The following YTHDF1 variants were observed in gnomAD, a reference collection of about 807,000 sequenced individuals.
YTHDF1 encodes the protein YTH N6-methyladenosine RNA binding protein F1.
In YTHDF1, 16 loss-of-function variants were observed where a neutral mutation model predicts 49.1. The observed-to-expected ratio is 0.33, with a 90% confidence interval of 0.22 to 0.49. The LOEUF (loss-of-function observed/expected upper bound fraction) is 0.49, where lower values mean the gene tolerates loss of function less well. Ranked by LOEUF, YTHDF1 falls within the 20% of genes least tolerant of loss-of-function variation. The pLI is 0.99. For missense variants in YTHDF1, 621 were observed against 744.3 expected (o/e 0.83, Z 1.93); for synonymous variants, 313 against 290.1 (o/e 1.08, Z -0.80).
rs1364269869 is a variant in YTHDF1 at position 63,206,776 on chromosome 20, CTG to C, written c.133-2971_133-2970del. Among the ~76,000 whole-genome samples the C allele has an allele frequency of 1.3e-3, 203 of 152,338 alleles. 8 individuals are homozygous for C. In the South Asian group the frequency reaches 0.042, roughly 31 times the overall value. On this transcript the variant is annotated intron_variant, in intron 3 of 4. Transcript: ENST00000370339. The stretch of plus-strand genomic sequence containing the variant: ...CATCTGCCATCTTTCCTCCAAAACT[CTG>C]AAGGTAAAGAAGCAGGTTAATTTGT...
In YTHDF1 at chr20:63,203,112, G is replaced by C. The variant is rs772804413; in HGVS notation, c.828C>G (p.Asn276Lys). 14 of 1,611,908 alleles carry C rather than the reference G, an allele frequency of 8.7e-6. No homozygotes were observed. In the Admixed American group the frequency reaches 2.3e-4, roughly 27 times the overall value. Residue 276 changes from asparagine (N) to lysine (K), a missense_variant, in exon 4 of 5, where the codon AAC becomes AAG. Transcript: ENST00000370339. This position sits in a 1 kb window ranked among gnomAD's most constrained non-coding sequence, Gnocchi z 4.4. ...CTGGGGCCTTCGGCACAGGCCCCTTGTTATCCCAGGTGCCAATGTCCATGT... is the reference window on the plus strand; with the variant it reads ...CTGGGGCCTTCGGCACAGGCCCCTTCTTATCCCAGGTGCCAATGTCCATGT... ...KHNMDIGTWD[N>K]KGPVPKAPVP...
rs1270410024 is a variant in YTHDF1 at position 63,196,690 on chromosome 20, T to A, written c.*18A>T. On this transcript the variant is annotated 3_prime_UTR_variant, in exon 5 of 5. Transcript: ENST00000370339. ...TTTCAAAGTCAAACGTTAGAACATG[T>A]AAGAAACTGGTTCGCCCTCATTGTT... 1.2e-6 allele frequency: 2 copies of A among 1,613,874 alleles called. No individual in the cohort carries two copies. Among genetic ancestry groups the A allele is most frequent in the Non-Finnish European group, 1.7e-6 (2 of 1,179,894 alleles).
chr20:63,202,912 C>T lies in YTHDF1; in HGVS notation c.1028G>A (p.Gly343Glu). The T allele has an allele frequency of 1.2e-6, 2 of 1,614,052 alleles. No homozygotes were observed. Among genetic ancestry groups the T allele is most frequent in the Non-Finnish European group, 1.7e-6 (2 of 1,180,046 alleles). ...NRNAAFGQSG[G>E]AGSDSNSPGN... ...AGGAGAGTTGCTATCGCTGCCAGCC[C>T]CTCCGCTCTGCCCAAACGCCGCGTT... is the stretch of plus-strand genomic sequence containing the variant. The change falls in exon 4 of 5, where the codon GGG becomes GAG. Residue 343 changes from glycine to glutamate, a missense_variant. Physicochemically the swap from Gly to Glu is moderately conservative, Grantham distance 98 (BLOSUM62 -2). This residue lies in a region of YTHDF1 where 470 missense variants were observed against 495.8 expected (regional missense o/e 0.95). Coordinates refer to ENST00000370339, the MANE Select transcript of YTHDF1 (RefSeq NM_017798.4).
chr20:63,197,011 T>C (rs761464896), intron 4 of YTHDF1, among the ~76,000 whole-genome samples: 39 of 152,150 alleles, frequency 2.6e-4, no homozygotes, highest in Non-Finnish European at 4.3e-4. Context: ...CTGGGAAGCC[T>C]CACTTCCCAC....
At chr20:63,198,110 C>T (rs1288770677) in intron 4 of YTHDF1, among the ~76,000 whole-genome samples, 1 of 151,478 alleles carries the variant, frequency 6.6e-6, no homozygotes, top group Non-Finnish European at 1.5e-5. Context: ...CTGTATTTTA[C>T]ATTCTCTTAA....
At chr20:63,213,669 A>G (rs141597171) in intron 3 of YTHDF1, among the ~76,000 whole-genome samples, 195 bp downstream of exon 3, 106 of 152,312 alleles carry the variant, frequency 7.0e-4, no homozygotes, top group African/African-American at 2.4e-3. Flanking sequence ...CCTCCTCCAC[A>G]GGGAAAATCA....
intron 3 of YTHDF1, among the ~76,000 whole-genome samples, chr20:63,205,481 C>A (rs2066541329): frequency 6.6e-6 from 1 of 151,956 alleles, no homozygotes; most frequent in African/African-American, 2.4e-5. Flanking sequence ...CTGTTGACTT[C>A]TCCACTTGTG....
At position 63,196,676 on chromosome 20, in the gene YTHDF1, A is replaced by T; in HGVS notation, c.*32T>A. 1.2e-6 allele frequency: 2 copies of T among 1,613,374 alleles called. No individual in the cohort carries two copies. Among genetic ancestry groups the T allele is most frequent in the Non-Finnish European group, 1.7e-6 (2 of 1,179,630 alleles). Reference sequence around the variant, plus strand: ...GTGTTTTAAACTGTTTTCAAAGTCAAACGTTAGAACATGTAAGAAACTGGT... The same window carrying T: ...GTGTTTTAAACTGTTTTCAAAGTCATACGTTAGAACATGTAAGAAACTGGT... On this transcript the variant is annotated 3_prime_UTR_variant, in exon 5 of 5. Transcript: ENST00000370339.
Position 63,203,943 on chromosome 20 carries a change from G to T in YTHDF1, c.133-136C>A. 2.6e-6 allele frequency: 2 copies of T among 780,436 alleles called. No individual in the cohort carries two copies. Among genetic ancestry groups the T allele is most frequent in the Non-Finnish European group, 3.9e-6 (2 of 506,916 alleles). The allele number at this position is 780,436 out of a possible 1,614,324, so 48.3% of individuals were successfully genotyped here. ...TGGGGCTACTCCTTCCAGAAAGAAA[G>T]CTGTAGTCGCCAATGTGAGAACCAA... On this transcript the variant is annotated intron_variant, in intron 3 of 4. Coordinates refer to ENST00000370339, the MANE Select transcript of YTHDF1 (RefSeq NM_017798.4). The surrounding 1 kb of genome is among the most constrained non-coding windows in gnomAD (Gnocchi z 4.4).
chr20:63,207,245 G>A (rs1601237099), intron 3 of YTHDF1, among the ~76,000 whole-genome samples: 1 of 151,680 alleles, frequency 6.6e-6, no homozygotes, highest in Non-Finnish European at 1.5e-5. Flanking sequence ...GAGGTGGACG[G>A]ATCACAAGGT....
intron 4 of YTHDF1, among the ~76,000 whole-genome samples, chr20:63,200,025 G>A (rs1286739138): frequency 1.3e-5 from 2 of 152,146 alleles, no homozygotes; most frequent in Non-Finnish European, 2.9e-5. Context: ...CTGCACTCCA[G>A]CCCGGCAGAC....
At chr20:63,201,678 A>C (rs368887075) in intron 4 of YTHDF1, among the ~76,000 whole-genome samples, 2 of 152,144 alleles carry the variant, frequency 1.3e-5, no homozygotes, top group Non-Finnish European at 1.5e-5. Context: ...AACCTACCCC[A>C]CCACCACCAT....
At chr20:63,214,508 C>T (rs545050372) in intron 2 of YTHDF1, among the ~76,000 whole-genome samples, 29 of 152,266 alleles carry the variant, frequency 1.9e-4, no homozygotes, top group African/African-American at 6.7e-4. Context: ...ACAACATGTG[C>T]CCAAGGTAGT....
chr20:63,201,776 G>T (rs1171703341), intron 4 of YTHDF1, among the ~76,000 whole-genome samples: 1 of 152,220 alleles, frequency 6.6e-6, no homozygotes, highest in Non-Finnish European at 1.5e-5. Flanking sequence ...ACGACCTCCA[G>T]ATCAAAGACC....
At position 63,203,427 on chromosome 20, in the gene YTHDF1, G is replaced by T; in HGVS notation, c.513C>A (p.Ser171Arg). Residue 171 changes from serine to arginine, a missense_variant, in exon 4 of 5, where the codon AGC becomes AGA. Transcript: ENST00000370339. This position sits in a 1 kb window ranked among gnomAD's most constrained non-coding sequence, Gnocchi z 4.4. ...TVVDGQPGFHSDTLSKAPGMN... is the reference protein window; with the variant it reads ...TVVDGQPGFHRDTLSKAPGMN... ...TCCCGGGGGCCTTGCTGAGGGTGTC[G>T]CTGTGAAAGCCTGGCTGCCCATCAA... 2 of 1,612,638 alleles carry T rather than the reference G, an allele frequency of 1.2e-6. No individual in the cohort carries two copies. Among genetic ancestry groups the T allele is most frequent in the Middle Eastern group, 3.3e-4 (2 of 6,060 alleles).
intron 4 of YTHDF1, among the ~76,000 whole-genome samples, chr20:63,201,934 GA>G (rs2066519258): frequency 2.0e-5 from 3 of 152,226 alleles, no homozygotes; most frequent in Non-Finnish European, 4.4e-5. Context: ...CACTGTTCCA[GA>G]AAGTATCACA....
chr20:63,199,891 T>G (rs1014342787), intron 4 of YTHDF1, among the ~76,000 whole-genome samples: 2 of 151,754 alleles, frequency 1.3e-5, no homozygotes, highest in African/African-American at 4.8e-5. Context: ...AGACACTGAT[T>G]CTACAAAAAA....
rs2122997925 is a variant in YTHDF1 at position 63,215,920 on chromosome 20, G to C, written c.-28C>G. On this transcript the variant is annotated 5_prime_UTR_variant, in exon 1 of 5. Coordinates refer to ENST00000370339, the MANE Select transcript of YTHDF1 (RefSeq NM_017798.4). ...TTCATGAACAACTAGACGCGGGGCCGGGGCGCCCGCCGGCTCGGGCCTCCC... is the reference window on the plus strand; with the variant it reads ...TTCATGAACAACTAGACGCGGGGCCCGGGCGCCCGCCGGCTCGGGCCTCCC... 2 of 1,373,204 alleles carry C rather than the reference G, an allele frequency of 1.5e-6. No homozygotes were observed. The highest frequency in any genetic ancestry group is 1.5e-5 in the African/African-American group (1 of 66,196). The allele number at this position is 1,373,204 out of a possible 1,614,324, so 85.1% of individuals were successfully genotyped here.
rs187186869 is a variant in YTHDF1 at position 63,203,911 on chromosome 20, C to A, written c.133-104G>T. On this transcript the variant is annotated intron_variant, in intron 3 of 4. Transcript: ENST00000370339. The surrounding 1 kb of genome is among the most constrained non-coding windows in gnomAD (Gnocchi z 4.4). ...ACAGGTGGAGCAAAAACAAAACCTG[C>A]ACAGCATGGGGCTACTCCTTCCAGA... 140 of 1,073,266 alleles carry A rather than the reference C, an allele frequency of 1.3e-4. 1 individual carries two copies. The African/African-American group carries it at 1.9e-3, about 15-fold the overall frequency. The allele number at this position is 1,073,266 out of a possible 1,614,324, so 66.5% of individuals were successfully genotyped here.
Sources: allele counts gnomAD v4.1 joint callset (sites outside exome capture counted in the v4.1 genomes callset), GRCh38; gene constraint gnomAD v4.1.1; regional missense constraint gnomAD v4.1.1; non-coding constraint Gnocchi (gnomAD v3.1); transcripts MANE v1.5; gene names NCBI Gene and HGNC (gene_info 2026-07-23, HGNC 2026-07-21).